Variants in PITPNC1 observed in about 807,000 individuals in gnomAD.
PITPNC1 encodes cytoplasmic phosphatidylinositol transfer protein 1.
A neutral mutation model predicts 44.7 loss-of-function variants in PITPNC1; 18 were observed. The observed-to-expected ratio is 0.40, with a 90% CI of 0.28 to 0.60. The LOEUF is 0.60. Among genes scored for constraint, PITPNC1 ranks in the 20% least tolerant of loss-of-function variants. PITPNC1 has a pLI of 0.39. For missense variants in PITPNC1, 290 were observed against 418.4 expected, an observed-to-expected ratio of 0.69 and a Z score of 2.68; for synonymous variants, 141 against 149.6, an observed-to-expected ratio of 0.94 and a Z score of 0.42.
intron 6 of PITPNC1, among the ~76,000 whole-genome samples, chr17:67,663,019 AATG>A (rs1349393214): frequency 6.6e-6 from 1 of 152,070 alleles, no homozygotes; most frequent in Non-Finnish European, 1.5e-5. Flanking sequence ...TTTTTGGTAG[AATG>A]ATTTCTTTTC....
chr17:67,560,847 T>C (rs979552672), intron 4 of PITPNC1, among the ~76,000 whole-genome samples: 1 of 152,240 alleles, frequency 6.6e-6, no homozygotes, highest in African/African-American at 2.4e-5. Flanking sequence ...TTAAAATTGT[T>C]TGCATTTTTT....
chr17:67,506,637 T>C (rs1336281460), intron 1 of PITPNC1, among the ~76,000 whole-genome samples: 2 of 151,564 alleles, frequency 1.3e-5, no homozygotes, highest in Non-Finnish European at 3.0e-5. Flanking sequence ...CAAATGACTT[T>C]TCAGTACTTA....
chr17:67,417,349 C>T (rs2038604246), intron 1 of PITPNC1, among the ~76,000 whole-genome samples: 1 of 151,378 alleles, frequency 6.6e-6, no homozygotes, highest in South Asian at 2.1e-4. Context: ...AGGCTGGTCT[C>T]GAACTCCTGG....
intron 2 of PITPNC1, among the ~76,000 whole-genome samples, chr17:67,544,806 C>T (rs2144150509): frequency 6.6e-6 from 1 of 152,308 alleles, no homozygotes; most frequent in African/African-American, 2.4e-5. Context: ...CCCATTTCTG[C>T]TTCCTGTTCT....
At chr17:67,455,484 A>C (rs990798524) in intron 1 of PITPNC1, among the ~76,000 whole-genome samples, 3 of 152,134 alleles carry the variant, frequency 2.0e-5, no homozygotes, top group Admixed American at 6.5e-5. Flanking sequence ...GCAGTGATGC[A>C]ATCCCGGCTC....
chr17:67,528,733 T>C lies in PITPNC1; in HGVS notation c.49-4069T>C, dbSNP rs1419686974. The stretch of plus-strand genomic sequence containing the variant: ...ATGTGCATTTCTGAAAGATTCCCAC[T>C]CTTTTCTCCCCAGAGTCTGAATGGA... On this transcript the variant is annotated intron_variant, in intron 1 of 8. Coordinates refer to ENST00000581322, the MANE Select transcript of PITPNC1 (RefSeq NM_012417.4). Among the ~76,000 whole-genome samples, 3 of 152,206 alleles carry C rather than the reference T, an allele frequency of 2.0e-5. No individual in the cohort carries two copies. The East Asian group carries it at 5.8e-4, about 29-fold the overall frequency.
chr17:67,653,491 G>A (rs1158200718), intron 6 of PITPNC1, among the ~76,000 whole-genome samples: 2 of 152,126 alleles, frequency 1.3e-5, no homozygotes, highest in Non-Finnish European at 2.9e-5. Flanking sequence ...CTCCAGTACT[G>A]TGAAACAATA....
intron 6 of PITPNC1, among the ~76,000 whole-genome samples, chr17:67,650,441 CTTTTTTTT>C (rs34611864): frequency 1.1e-4 from 8 of 70,994 alleles, no homozygotes; most frequent in South Asian, 5.7e-4. Context: ...AAACCATAGG[CTTTTTTTT>C]TTTTTTTTTT....
intron 5 of PITPNC1, among the ~76,000 whole-genome samples, chr17:67,622,567 C>A (rs1435546048): frequency 2.1e-5 from 3 of 142,450 alleles, no homozygotes; most frequent in Non-Finnish European, 3.0e-5. Flanking sequence ...CTCTCTCCAA[C>A]TGAATATGCT....
At chr17:67,479,881 C>G (rs2039680446) in intron 1 of PITPNC1, among the ~76,000 whole-genome samples, 1 of 152,158 alleles carries the variant, frequency 6.6e-6, no homozygotes, top group African/African-American at 2.4e-5. Context: ...CAGTACTTTT[C>G]TTTAATTAAT....
chr17:67,424,931 CATT>C (rs1039053326), intron 1 of PITPNC1, among the ~76,000 whole-genome samples: 2 of 151,984 alleles, frequency 1.3e-5, no homozygotes, highest in African/African-American at 2.4e-5. Context: ...GACATTCCAT[CATT>C]GTGATTTGTT....
chr17:67,409,893 T>C (rs1173659753), intron 1 of PITPNC1, among the ~76,000 whole-genome samples: 1 of 152,218 alleles, frequency 6.6e-6, no homozygotes, highest in Non-Finnish European at 1.5e-5. Flanking sequence ...AAATCTGCCA[T>C]GATGTATTTA....
At chr17:67,515,440 T>C (rs1352618180) in intron 1 of PITPNC1, among the ~76,000 whole-genome samples, 1 of 152,196 alleles carries the variant, frequency 6.6e-6, no homozygotes, top group African/African-American at 2.4e-5. Context: ...GGAACTTAGA[T>C]TGTACATTTC....
chr17:67,489,733 T>A (rs1338695675), intron 1 of PITPNC1, among the ~76,000 whole-genome samples: 1 of 152,044 alleles, frequency 6.6e-6, no homozygotes, highest in African/African-American at 2.4e-5. Flanking sequence ...GTCTTTTTGG[T>A]TATTTCTTTT....
chr17:67,663,766 TC>T (rs1373139337), intron 6 of PITPNC1, among the ~76,000 whole-genome samples: 1 of 152,060 alleles, frequency 6.6e-6, no homozygotes, highest in Non-Finnish European at 1.5e-5. Flanking sequence ...GGTGGTAACT[TC>T]CACGTTGTCA....
chr17:67,690,852 C>T (rs1009722703), intron 8 of PITPNC1, among the ~76,000 whole-genome samples: 3 of 152,072 alleles, frequency 2.0e-5, no homozygotes, highest in Admixed American at 2.0e-4. Flanking sequence ...GGTCTGTAAT[C>T]CCAGCACTTT....
chr17:67,535,219 G>T (rs1023537692), intron 2 of PITPNC1, among the ~76,000 whole-genome samples: 2 of 152,264 alleles, frequency 1.3e-5, no homozygotes, highest in African/African-American at 4.8e-5. Context: ...TGCAGGGGCA[G>T]CTGAGCTCTG....
intron 7 of PITPNC1, among the ~76,000 whole-genome samples, chr17:67,670,338 A>G (rs1265616295): frequency 6.6e-6 from 1 of 152,192 alleles, no homozygotes. Flanking sequence ...GTTAATTGCC[A>G]CCCAAAAGAT....
intron 1 of PITPNC1, among the ~76,000 whole-genome samples, chr17:67,385,542 A>G (rs1258568679): frequency 7.6e-6 from 1 of 130,814 alleles, no homozygotes; most frequent in Non-Finnish European, 1.6e-5. Flanking sequence ...TTTGCTGTTC[A>G]CTCTTTTGCT....
Sources: allele counts gnomAD v4.1 joint callset (sites outside exome capture counted in the v4.1 genomes callset), GRCh38; gene constraint gnomAD v4.1.1; transcripts MANE v1.5; gene names NCBI Gene and HGNC (gene_info 2026-07-23, HGNC 2026-07-21).